CRLF3: variants seen among roughly 807,000 people sequenced by gnomAD.
CRLF3 encodes the protein cytokine receptor-like factor 3.
In CRLF3, 33 loss-of-function variants were observed where a neutral mutation model predicts 55.0. The observed-to-expected ratio is 0.60, with a 90% CI of 0.46 to 0.80. CRLF3 has a LOEUF of 0.80. Among genes scored for constraint, CRLF3 ranks in the 30% least tolerant of loss-of-function variants. The pLI, the probability that CRLF3 is intolerant of heterozygous loss-of-function variation, is 0.00. For synonymous variants in CRLF3, 238 were observed against 196.8 expected, an observed-to-expected ratio of 1.21 and a Z score of -1.75; for missense variants, 494 against 538.4, an observed-to-expected ratio of 0.92 and a Z score of 0.82.
intron 6 of CRLF3, chr17:30,786,628 C>T (rs1024465245): frequency 2.6e-5 from 4 of 152,232 alleles, no homozygotes; most frequent in African/African-American, 9.7e-5. Flanking sequence ...ATAACCTGAT[C>T]CCGACTACCT....
At chr17:30,787,957 G>A (rs1486386603) in intron 6 of CRLF3, among the ~76,000 whole-genome samples, 2 of 151,488 alleles carry the variant, frequency 1.3e-5, no homozygotes, top group African/African-American at 2.4e-5. Context: ...CTGAGATCAT[G>A]CCACTGCACT....
At chr17:30,810,848 G>C (rs1378265576) in intron 1 of CRLF3, among the ~76,000 whole-genome samples, 1 of 152,060 alleles carries the variant, frequency 6.6e-6, no homozygotes, top group African/African-American at 2.4e-5. Flanking sequence ...TATAATCCCG[G>C]CACTTTTGAA....
At chr17:30,818,035 G>A (rs1047287676) in intron 1 of CRLF3, among the ~76,000 whole-genome samples, 41 of 151,974 alleles carry the variant, frequency 2.7e-4, no homozygotes, top group African/African-American at 8.4e-4. Context: ...GCCGAGATGC[G>A]CGGATCACCT....
chr17:30,796,112 C>T (rs1479650600), intron 4 of CRLF3, 48 bp downstream of exon 4: 5 of 1,378,506 alleles, frequency 3.6e-6, no homozygotes, highest in South Asian at 3.5e-5. Context: ...GCCTCCAAAT[C>T]GCAAACCCAT....
At chr17:30,817,886 C>A (rs1264968292) in intron 1 of CRLF3, among the ~76,000 whole-genome samples, 9 of 109,934 alleles carry the variant, frequency 8.2e-5, no homozygotes, top group Non-Finnish European at 1.2e-4. Context: ...AGCATGGCGA[C>A]AGAGTGAGAC....
At chr17:30,788,737 A>C (rs981985531) in intron 6 of CRLF3, among the ~76,000 whole-genome samples, 1 of 149,676 alleles carries the variant, frequency 6.7e-6, no homozygotes, top group South Asian at 2.1e-4. Context: ...CCTCCTGAGT[A>C]GCTGGGATTA....
chr17:30,803,769 C>T, intron 2 of CRLF3, 132 bp downstream of exon 2: 1 of 724,480 alleles, frequency 1.4e-6, no homozygotes, highest in Admixed American at 2.2e-5. Flanking sequence ...ATTGTGAGGC[C>T]TCCCCAGCCA....
At position 30,796,334 on chromosome 17, in the gene CRLF3, T is replaced by C; in HGVS notation, c.429A>G (p.Leu143=). 6.2e-7 allele frequency: 1 copy of C among 1,612,272 alleles called. No homozygotes were observed. The highest frequency in any genetic ancestry group is 8.5e-7 in the Non-Finnish European group (1 of 1,178,994). The change falls in exon 4 of 8, where the codon TTA becomes TTG. Residue 143 remains leucine, a synonymous_variant. Transcript: ENST00000324238. ...KKASHIQLDS[L]PEVPLLVDVP... ...CATCAACCAGTAAAGGTACTTCTGG[T>C]AAGCTGAGGAAACAAAGCTCATGTG...
intron 1 of CRLF3, among the ~76,000 whole-genome samples, chr17:30,820,650 G>C (rs566155136): frequency 3.3e-5 from 5 of 152,078 alleles, no homozygotes; most frequent in Admixed American, 6.6e-5. Flanking sequence ...AAAGTAGATG[G>C]GCATGGTGGC....
At chr17:30,784,624 A>G (rs1971591983) in intron 7 of CRLF3, 181 bp from the exon 8 acceptor site, 1 of 556,356 alleles carries the variant, frequency 1.8e-6, no homozygotes, top group Non-Finnish European at 3.2e-6. Flanking sequence ...AGAGACTATG[A>G]GTTTCCCATA....
At chr17:30,800,017 A>G (rs1259720756) in intron 2 of CRLF3, among the ~76,000 whole-genome samples, 1 of 152,220 alleles carries the variant, frequency 6.6e-6, no homozygotes, top group East Asian at 1.9e-4. Context: ...AAATGTAACC[A>G]GCAATGTCAA....
In CRLF3 at chr17:30,819,995, A is replaced by C. The variant is rs377639524; in HGVS notation, c.129+4528T>G. On this transcript the variant is annotated intron_variant, in intron 1 of 7. Transcript: ENST00000324238. ...AATGAACAAATGAATATTTAAGGACAGTGGGAGTTAATTTCTTTGGTATTT... is the reference window on the plus strand; with the variant it reads ...AATGAACAAATGAATATTTAAGGACCGTGGGAGTTAATTTCTTTGGTATTT... 2.4e-4 allele frequency among the ~76,000 whole-genome samples: 36 copies of C among 152,184 alleles called. No homozygotes were observed. In the East Asian group the frequency reaches 2.5e-3, roughly 11 times the overall value.
intron 6 of CRLF3, chr17:30,790,630 TTTTCC>T (rs1350660335): frequency 1.8e-4 from 18 of 102,674 alleles, no homozygotes; most frequent in Admixed American, 4.1e-4. Context: ...TTTTTTTTTT[TTTTCC>T]AGACGGAATC....
intron 1 of CRLF3, among the ~76,000 whole-genome samples, chr17:30,812,832 T>G (rs1043538558): frequency 1.3e-5 from 2 of 152,100 alleles, no homozygotes; most frequent in Non-Finnish European, 2.9e-5. Context: ...TCTATCTTTC[T>G]GGAGAGGACA....
intron 4 of CRLF3, among the ~76,000 whole-genome samples, chr17:30,794,564 G>A (rs113111419): frequency 4.8e-4 from 73 of 152,262 alleles, no homozygotes; most frequent in African/African-American, 1.6e-3. Flanking sequence ...TTGAGAGGCC[G>A]AAGCGGGTGG....
chr17:30,792,664 C>T, intron 5 of CRLF3, 92 bp from the exon 6 acceptor site: 2 of 1,194,668 alleles, frequency 1.7e-6, no homozygotes, highest in South Asian at 3.1e-5. Context: ...AAATGGGAGA[C>T]TACTCTTAGG....
chr17:30,787,617 G>T (rs1232005819), intron 6 of CRLF3: 1 of 152,142 alleles, frequency 6.6e-6, no homozygotes, highest in African/African-American at 2.4e-5. Context: ...GCCTCAAAAT[G>T]TCATTGATTG....
rs1242994612 is a variant in CRLF3 at position 30,792,504 on chromosome 17, C to A, written c.895G>T (p.Glu299Ter). The A allele has an allele frequency of 6.2e-7, 1 of 1,613,118 alleles. No individual in the cohort carries two copies. Among genetic ancestry groups the A allele is most frequent in the Admixed American group, 1.7e-5 (1 of 60,010 alleles). ...RRNIALRNDS[E>*]SSGVLYSRAP... The stretch of plus-strand genomic sequence containing the variant: ...CTGGAGTAGAGAACACCCGATGATT[C>A]AGAATCGTTCCGAAGTGCTATATTT... Residue 299 changes from glutamate to a stop codon, truncating the protein, a stop_gained, in exon 6 of 8, where the codon GAA becomes TAA. Transcript: ENST00000324238. LOFTEE classifies it high-confidence loss of function.
chr17:30,808,026 A>T (rs1480742399), intron 1 of CRLF3, among the ~76,000 whole-genome samples: 2 of 152,192 alleles, frequency 1.3e-5, no homozygotes, highest in African/African-American at 2.4e-5. Context: ...TCAGCTCACC[A>T]TTCAACTATG....
Sources: gnomAD v4.1 joint callset for allele counts (sites outside exome capture counted in the v4.1 genomes callset) on GRCh38, gnomAD v4.1.1 for gene constraint, MANE v1.5 for transcripts, NCBI Gene and HGNC (gene_info 2026-07-23, HGNC 2026-07-21) for gene names.